DCBLD1: variants seen among roughly 807,000 people sequenced by gnomAD.
The protein encoded by DCBLD1 is discoidin, CUB and LCCL domain containing 1, also known as discoidin, CUB and LCCL domain-containing protein 1.
In DCBLD1, 57 loss-of-function variants were observed where a neutral mutation model predicts 71.5. The ratio of observed to expected loss-of-function variants is 0.80; its 90% CI spans 0.64 to 0.99. The LOEUF is 0.99. Ranked by LOEUF, DCBLD1 falls within the 50% of genes least tolerant of loss-of-function variation. The pLI is 0.00. For synonymous variants in DCBLD1, 380 were observed against 363.8 expected (o/e 1.04, Z -0.51); for missense variants, 891 against 923.5 (o/e 0.96, Z 0.46).
At chr6:117,541,063 A>G (rs780310194) in intron 11 of DCBLD1, 38 bp downstream of exon 11, 1 of 1,604,134 alleles carries the variant, frequency 6.2e-7, no homozygotes, top group African/African-American at 1.3e-5. Flanking sequence ...TAAGGAGCAT[A>G]ACTGGTAACC....
At chr6:117,515,887 G>C (rs1206572061) in intron 2 of DCBLD1, among the ~76,000 whole-genome samples, 1 of 152,180 alleles carries the variant, frequency 6.6e-6, no homozygotes, top group Admixed American at 6.5e-5. Context: ...GTGGGAGGCT[G>C]TCACCTGCCA....
chr6:117,526,670 A>G (rs1299109020), intron 5 of DCBLD1, among the ~76,000 whole-genome samples: 1 of 152,162 alleles, frequency 6.6e-6, no homozygotes, highest in East Asian at 1.9e-4. Flanking sequence ...CTGATTTTGC[A>G]CTATTTGCTT....
chr6:117,520,261 C>T (rs1455852305), intron 3 of DCBLD1, among the ~76,000 whole-genome samples: 3 of 152,110 alleles, frequency 2.0e-5, no homozygotes, highest in African/African-American at 4.8e-5. Context: ...TTATGTTTTA[C>T]GAAACTTTAG....
At chr6:117,515,345 A>G (rs1457440522) in intron 2 of DCBLD1, among the ~76,000 whole-genome samples, 2 of 152,180 alleles carry the variant, frequency 1.3e-5, no homozygotes, top group Non-Finnish European at 2.9e-5. Flanking sequence ...ATTAGAACTC[A>G]TTGGAATGCT....
At chr6:117,537,390 C>A (rs564141262) in intron 7 of DCBLD1, among the ~76,000 whole-genome samples, 165 bp downstream of exon 7, 42 of 151,656 alleles carry the variant, frequency 2.8e-4, no homozygotes, top group African/African-American at 1.0e-3. Flanking sequence ...AAAAATTAGC[C>A]GGGCCTGGTG....
Position 117,562,361 on chromosome 6 carries a change from C to T in DCBLD1, c.1616-7259C>T, listed in dbSNP as rs183970139. The T allele has an allele frequency of 1.2e-3, 244 of 198,914 alleles. 1 individual carries two copies. The highest frequency in any genetic ancestry group is 5.3e-3 in the African/African-American group (232 of 43,568). 12.3% of individuals were successfully genotyped at this position (198,914 alleles called of 1,614,324 possible). ...ACATAGTAATAAATCTGAACTTTTA[C>T]TACCAGAAAAATTTGTCTTTAAGTG... On this transcript the variant is annotated intron_variant, in intron 14 of 14. Transcript: ENST00000296955.
chr6:117,497,871 TA>T (rs1211708049), intron 1 of DCBLD1, among the ~76,000 whole-genome samples: 1 of 152,204 alleles, frequency 6.6e-6, no homozygotes, highest in Non-Finnish European at 1.5e-5. Context: ...ATTCATATTA[TA>T]GAATATTTAG....
chr6:117,519,094 T>C (rs1297633353), intron 2 of DCBLD1, among the ~76,000 whole-genome samples: 2 of 152,212 alleles, frequency 1.3e-5, no homozygotes, highest in African/African-American at 4.8e-5. Flanking sequence ...AGTTAAAAGC[T>C]AAACTTCAGT....
chr6:117,558,618 C>T (rs989692835), intron 14 of DCBLD1, among the ~76,000 whole-genome samples: 1 of 152,138 alleles, frequency 6.6e-6, no homozygotes, highest in East Asian at 1.9e-4. Flanking sequence ...GGCATATGGG[C>T]ACAGTCCCAA....
At chr6:117,543,364 AAGT>A (rs1469930029) in intron 12 of DCBLD1, among the ~76,000 whole-genome samples, 153 bp downstream of exon 12, 1 of 152,218 alleles carries the variant, frequency 6.6e-6, no homozygotes, top group Non-Finnish European at 1.5e-5. Flanking sequence ...AGTTAGATAA[AAGT>A]AGAAATGATC....
intron 1 of DCBLD1, among the ~76,000 whole-genome samples, chr6:117,495,677 T>C (rs2114391797): frequency 6.6e-6 from 1 of 152,340 alleles, no homozygotes; most frequent in South Asian, 2.1e-4. Flanking sequence ...GTGTGTCAAC[T>C]CTCCTCCCCC....
intron 1 of DCBLD1, among the ~76,000 whole-genome samples, chr6:117,495,814 T>C (rs1456133618): frequency 6.6e-6 from 1 of 152,244 alleles, no homozygotes; most frequent in Admixed American, 6.5e-5. Context: ...GGCTAGATTT[T>C]GAGATTTTTT....
chr6:117,564,113 AGCTACAAGC>A (rs1779645283), intron 14 of DCBLD1, among the ~76,000 whole-genome samples: 1 of 151,718 alleles, frequency 6.6e-6, no homozygotes, highest in African/African-American at 2.4e-5. Flanking sequence ...GAGTAGCTGG[AGCTACAAGC>A]ATGTGCCACC....
chr6:117,533,786 GGGT>G (rs1778799141), intron 6 of DCBLD1, among the ~76,000 whole-genome samples: 1 of 152,154 alleles, frequency 6.6e-6, no homozygotes, highest in Admixed American at 6.5e-5. Flanking sequence ...TGTTAGAGAG[GGGT>G]GGTGGTGGCC....
intron 2 of DCBLD1, among the ~76,000 whole-genome samples, chr6:117,519,130 G>A (rs977405693): frequency 7.2e-5 from 11 of 152,090 alleles, no homozygotes; most frequent in African/African-American, 1.7e-4. Flanking sequence ...AAGAGTTTTC[G>A]TTATTTTAAG....
chr6:117,497,210 A>T (rs185890918), intron 1 of DCBLD1, among the ~76,000 whole-genome samples: 1 of 152,366 alleles, frequency 6.6e-6, no homozygotes, highest in East Asian at 1.9e-4. Context: ...ATTTAAAAAA[A>T]GTATATTTGC....
chr6:117,518,730 T>C (rs531844758), intron 2 of DCBLD1, among the ~76,000 whole-genome samples: 2 of 152,270 alleles, frequency 1.3e-5, no homozygotes, highest in Non-Finnish European at 1.5e-5. Flanking sequence ...ATGAGACTTA[T>C]TCACTGTCAT....
At chr6:117,491,364 C>T (rs938387035) in intron 1 of DCBLD1, among the ~76,000 whole-genome samples, 5 of 152,100 alleles carry the variant, frequency 3.3e-5, no homozygotes, top group Admixed American at 2.6e-4. Context: ...CTGGAAAGCT[C>T]CTGCTTTGCC....
chr6:117,566,373 T>C (rs1224523079), intron 14 of DCBLD1, among the ~76,000 whole-genome samples: 1 of 152,180 alleles, frequency 6.6e-6, no homozygotes, highest in East Asian at 1.9e-4. Flanking sequence ...CCTTAAAATA[T>C]GTCTAAATGA....
Sources: allele counts gnomAD v4.1 joint callset (sites outside exome capture counted in the v4.1 genomes callset), GRCh38; gene constraint gnomAD v4.1.1; transcripts MANE v1.5; gene names NCBI Gene and HGNC (gene_info 2026-07-23, HGNC 2026-07-21).